TSGA10IP: variants seen among roughly 807,000 people sequenced by gnomAD.
TSGA10IP encodes testis-specific protein 10-interacting protein.
Under a neutral mutation model 63.2 loss-of-function variants are expected in TSGA10IP, and 64 were observed. That is an observed-to-expected ratio of 1.01 (90% CI 0.83 to 1.25). The LOEUF (loss-of-function observed/expected upper bound fraction) is 1.25. Ranked by LOEUF, TSGA10IP falls within the 50% of genes most tolerant of loss-of-function variation. The probability of loss-of-function intolerance (pLI) is 0.00; values close to 1 mark genes in which losing one functional copy is unlikely to be tolerated. For synonymous variants in TSGA10IP, 316 were observed against 298.3 expected, an observed-to-expected ratio of 1.06 and a Z score of -0.61; for missense variants, 681 against 710.1, an observed-to-expected ratio of 0.96 and a Z score of 0.47.
intron 5 of TSGA10IP, among the ~76,000 whole-genome samples, chr11:65,956,716 G>C (rs1341727962): frequency 6.6e-6 from 1 of 151,836 alleles, no homozygotes; most frequent in Non-Finnish European, 1.5e-5. Context: ...TTTTGGTAGA[G>C]ACAGGGTTTC....
At chr11:65,947,626 G>T (rs779012952) in exon 3 of TSGA10IP, 1 of 1,613,656 alleles carries the variant, frequency 6.2e-7, no homozygotes, top group South Asian at 1.1e-5. Context: ...CCTGCAGAAG[G>T]AGGGCTGGTT....
At chr11:65,949,273 G>C (rs1202495911) in intron 4 of TSGA10IP, among the ~76,000 whole-genome samples, 3 of 152,140 alleles carry the variant, frequency 2.0e-5, no homozygotes, top group Non-Finnish European at 4.4e-5. Flanking sequence ...GCAACACTGA[G>C]GTGAGGAACC....
At position 65,947,806 on chromosome 11, in the gene TSGA10IP, G is replaced by C. The variant is rs187170869; in HGVS notation, c.981G>C (p.Gln327His). 2.6e-5 allele frequency: 40 copies of C among 1,568,572 alleles called. No homozygotes were observed. The African/African-American group carries it at 4.5e-4, about 18-fold the overall frequency. Reference sequence around the variant, plus strand: ...GGGACCTGGAGAAGCTGCACAGGCAGCTACAGAGAGACCTGGACTGTGGTG... The same window carrying C: ...GGGACCTGGAGAAGCTGCACAGGCACCTACAGAGAGACCTGGACTGTGGTG... The change falls in exon 3 of 8, where the codon CAG becomes CAC. Residue 327 changes from glutamine to histidine, a missense_variant. Transcript: ENST00000532620.
intron 4 of TSGA10IP, among the ~76,000 whole-genome samples, chr11:65,951,667 A>G (rs1854945092): frequency 6.6e-6 from 1 of 151,914 alleles, no homozygotes; most frequent in South Asian, 2.1e-4. Flanking sequence ...CCTCCTGAGT[A>G]GCTGGGATTA....
At chr11:65,947,227 C>A (rs1294660459) in exon 3 of TSGA10IP, 1 of 1,609,242 alleles carries the variant, frequency 6.2e-7, no homozygotes, top group Non-Finnish European at 8.5e-7. Context: ...GCCACCAAGC[C>A]CTGCCCATGC....
At chr11:65,950,664 G>A (rs1428109462) in intron 4 of TSGA10IP, among the ~76,000 whole-genome samples, 2 of 151,796 alleles carry the variant, frequency 1.3e-5, no homozygotes, top group Admixed American at 6.6e-5. Context: ...CCGGGTTCAC[G>A]CCATTCTCCT....
chr11:65,953,619 G>T lies in TSGA10IP; in HGVS notation c.1204G>T (p.Glu402Ter). The T allele has an allele frequency of 6.3e-7, 1 of 1,586,762 alleles. No individual in the cohort carries two copies. ...GCGGCAGGAGGAGCGGCAGCAGGCC[G>T]AGCTGCGGCGGGCCCGGACACAGCA... Residue 402 changes from glutamate to a stop codon, truncating the protein, a stop_gained, in exon 5 of 8, where the codon GAG becomes TAG. Coordinates refer to ENST00000532620, the Ensembl canonical transcript of TSGA10IP. LOFTEE classifies it high-confidence loss of function.
chr11:65,947,814 G>T (rs533489124), exon 3 of TSGA10IP: 1 of 1,564,854 alleles, frequency 6.4e-7, no homozygotes, highest in South Asian at 1.2e-5. Flanking sequence ...CAGCTACAGA[G>T]AGACCTGGAC....
At chr11:65,945,656 C>A (rs759493866) in exon 1 of TSGA10IP, 1 of 1,610,636 alleles carries the variant, frequency 6.2e-7, no homozygotes, top group Non-Finnish European at 8.5e-7. Flanking sequence ...TTCTACGGTG[C>A]GGATGGGGGA....
In TSGA10IP at chr11:65,947,732, C is replaced by T. The variant is rs117506262; in HGVS notation, c.907C>T (p.Arg303Ter). 4,507 of 1,592,540 alleles carry T rather than the reference C, an allele frequency of 2.8e-3. 17 individuals are homozygous for T. Among genetic ancestry groups the T allele is most frequent in the Non-Finnish European group, 3.5e-3 (4,126 of 1,169,740 alleles). ...GAGCAGCCCCAGCTTCAACAACCTC[C>T]GAAGGCGACAATGGAGGAAGACAAG... The change falls in exon 3 of 8, where the codon CGA (arginine) becomes TGA (stop). Residue 303 changes from arginine to a stop codon, truncating the protein, a stop_gained. Transcript: ENST00000532620. LOFTEE classifies it high-confidence loss of function.
exon 3 of TSGA10IP, chr11:65,947,239 C>T (rs768221485): frequency 2.4e-5 from 38 of 1,609,970 alleles, no homozygotes; most frequent in Non-Finnish European, 3.1e-5. Context: ...TGCCCATGCC[C>T]TCCTCGTTCT....
chr11:65,955,720 C>T (rs1485598450), intron 5 of TSGA10IP, among the ~76,000 whole-genome samples: 1 of 152,132 alleles, frequency 6.6e-6, no homozygotes, highest in Non-Finnish European at 1.5e-5. Context: ...TCAGTACGGC[C>T]CGCTCACCTT....
chr11:65,955,011 A>G (rs77988785), intron 5 of TSGA10IP, among the ~76,000 whole-genome samples: 4,464 of 152,338 alleles, frequency 0.029, 228 homozygotes, highest in African/African-American at 0.1. Flanking sequence ...CATCACATGT[A>G]ACATTAGCAT....
chr11:65,956,390 G>A (rs1378285074), intron 5 of TSGA10IP, among the ~76,000 whole-genome samples: 1 of 152,148 alleles, frequency 6.6e-6, no homozygotes, highest in Non-Finnish European at 1.5e-5. Flanking sequence ...GCCCGCCTCA[G>A]CCTCCCAAAG....
At chr11:65,954,458 G>A (rs542184619) in intron 5 of TSGA10IP, among the ~76,000 whole-genome samples, 1 of 151,986 alleles carries the variant, frequency 6.6e-6, no homozygotes, top group South Asian at 2.1e-4. Flanking sequence ...ACAGGTGTGA[G>A]ACACTGCACC....
chr11:65,950,689 A>T (rs942431549), intron 4 of TSGA10IP, among the ~76,000 whole-genome samples: 16 of 151,946 alleles, frequency 1.1e-4, no homozygotes, highest in Admixed American at 9.2e-4. Context: ...CAGCCTCCTG[A>T]GTAGCTGGGA....
chr11:65,954,332 A>ATTTT, intron 5 of TSGA10IP, among the ~76,000 whole-genome samples: 1 of 142,256 alleles, frequency 7.0e-6, no homozygotes, highest in South Asian at 2.3e-4. Context: ...CGCCCGGCTA[A>ATTTT]TTTTTTTTTT....
At chr11:65,959,788 A>G (rs1268164919) in intron 7 of TSGA10IP, 29 bp from the exon 8 acceptor site, 2 of 1,536,342 alleles carry the variant, frequency 1.3e-6, no homozygotes, top group Admixed American at 4.1e-5. Context: ...GGAGCTGCAG[A>G]GTCAGGGGCC....
intron 1 of TSGA10IP, among the ~76,000 whole-genome samples, chr11:65,946,283 G>A (rs1198938935): frequency 6.6e-6 from 1 of 152,156 alleles, no homozygotes; most frequent in Admixed American, 6.6e-5. Flanking sequence ...ACATGATGGA[G>A]GTGATAGTGA....
Sources: allele counts gnomAD v4.1 joint callset (sites outside exome capture counted in the v4.1 genomes callset), GRCh38; gene constraint gnomAD v4.1.1; transcripts MANE v1.5; gene names NCBI Gene and HGNC (gene_info 2026-07-23, HGNC 2026-07-21).